SNAP91: variants seen among roughly 807,000 people sequenced by gnomAD.
The protein encoded by SNAP91 is clathrin coat assembly protein AP180.
A neutral mutation model predicts 100.3 loss-of-function variants in SNAP91; 27 were observed. The observed-to-expected ratio is 0.27, with a 90% CI of 0.20 to 0.37. SNAP91 has a LOEUF of 0.37. Among genes scored for constraint, SNAP91 ranks in the 10% least tolerant of loss-of-function variants. The pLI, the probability that SNAP91 is intolerant of heterozygous loss-of-function variation, is 1.00. For missense variants in SNAP91, 986 were observed against 1,123.7 expected (o/e 0.88, Z 1.75); for synonymous variants, 404 against 398.6 (o/e 1.01, Z -0.16).
At chr6:83,678,850 T>C in intron 2 of SNAP91, 2 of 1,270,950 alleles carry the variant, frequency 1.6e-6, no homozygotes, top group Non-Finnish European at 2.0e-6. Flanking sequence ...GTCTGTTTTC[T>C]CTCGGAAGTA....
chr6:83,557,794 T>C (rs956786648), intron 28 of SNAP91, among the ~76,000 whole-genome samples: 6 of 152,242 alleles, frequency 3.9e-5, no homozygotes, highest in Admixed American at 2.6e-4. Context: ...CAAAGATTGG[T>C]CCATAATTGA....
intron 2 of SNAP91, among the ~76,000 whole-genome samples, chr6:83,670,066 T>C (rs1295381638): frequency 6.6e-6 from 1 of 151,958 alleles, no homozygotes; most frequent in Non-Finnish European, 1.5e-5. Flanking sequence ...AGGGAACTGC[T>C]TTCAGAAAGC....
chr6:83,616,898 G>T, intron 10 of SNAP91, 71 bp downstream of exon 10: 1 of 1,051,608 alleles, frequency 9.5e-7, no homozygotes, highest in South Asian at 1.5e-5. Context: ...GTTGTACCAT[G>T]ATAAATCTCA....
chr6:83,575,261 T>C lies in SNAP91; in HGVS notation c.2331-140A>G. On this transcript the variant is annotated intron_variant, in intron 25 of 29. Coordinates refer to ENST00000369694, the MANE Select transcript of SNAP91 (RefSeq NM_001242792.2). ...GTGGTATAGTAATAAGAACAGCAGT[T>C]AAAACTTACAGAGGAATCTTGCCAT... 4.7e-6 allele frequency: 3 copies of C among 638,606 alleles called. No individual in the cohort carries two copies. In the South Asian group the frequency reaches 5.6e-5, roughly 12 times the overall value. The allele number at this position is 638,606 out of a possible 1,614,324, so 39.6% of individuals were successfully genotyped here.
intron 10 of SNAP91, among the ~76,000 whole-genome samples, chr6:83,615,068 A>G (rs3798870): frequency 0.18 from 27,223 of 152,166 alleles, 3,128 homozygotes; most frequent in South Asian, 0.28. Context: ...ATGGAGGACT[A>G]TTGAATTTTA....
chr6:83,644,030 TTC>T (rs1336656874), intron 7 of SNAP91, among the ~76,000 whole-genome samples: 2 of 152,200 alleles, frequency 1.3e-5, no homozygotes, highest in African/African-American at 2.4e-5. Context: ...ATACTTTTTG[TTC>T]TCTCTTTCTA....
chr6:83,697,362 ACAC>A (rs963731334), intron 2 of SNAP91, among the ~76,000 whole-genome samples: 2 of 148,884 alleles, frequency 1.3e-5, no homozygotes, highest in Non-Finnish European at 3.0e-5. Context: ...ACACACACAC[ACAC>A]AATGCCGGCA....
intron 22 of SNAP91, among the ~76,000 whole-genome samples, chr6:83,583,498 A>G (rs1831419158): frequency 6.6e-6 from 1 of 152,214 alleles, no homozygotes; most frequent in Non-Finnish European, 1.5e-5. Context: ...TGGAAGCAAA[A>G]CATTTCTCTC....
intron 10 of SNAP91, among the ~76,000 whole-genome samples, 164 bp from the exon 11 acceptor site, chr6:83,615,026 G>C (rs1014503959): frequency 2.0e-5 from 3 of 152,114 alleles, no homozygotes; most frequent in African/African-American, 7.2e-5. Flanking sequence ...AAAGGAAAAA[G>C]AAAAATTATT....
At chr6:83,683,923 T>C (rs2099026051) in intron 2 of SNAP91, among the ~76,000 whole-genome samples, 1 of 152,172 alleles carries the variant, frequency 6.6e-6, no homozygotes, top group African/African-American at 2.4e-5. Context: ...ACACAGATAC[T>C]ACCTCCTACA....
In SNAP91 at chr6:83,574,849, T is replaced by C. The variant is rs377585205; in HGVS notation, c.2442+161A>G. Among the ~76,000 whole-genome samples the C allele has an allele frequency of 4.1e-4, 43 of 104,642 alleles. No individual in the cohort carries two copies. In the East Asian group the frequency reaches 0.011, roughly 27 times the overall value. The allele number at this position is 104,642 out of a possible 152,430, so 68.6% of individuals were successfully genotyped here. On this transcript the variant is annotated intron_variant, in intron 26 of 29. Transcript: ENST00000369694. The stretch of plus-strand genomic sequence containing the variant: ...TATCAAATGTTTTCATACCTAAGAA[T>C]GGAGGGCAGCCCCCTGGGCTGGAGT...
rs147691385 is a variant in SNAP91, at chr6:83,670,030, T to C, written c.131-4449A>G. ...ATTTTCTAGAAGTAGAATAGTTGAG[T>C]CATTTTTAAGTAAACATTTAATTTT... On this transcript the variant is annotated intron_variant, in intron 2 of 29. Coordinates refer to ENST00000369694, the MANE Select transcript of SNAP91 (RefSeq NM_001242792.2). 7.2e-3 allele frequency among the ~76,000 whole-genome samples: 1,100 copies of C among 152,088 alleles called. 6 individuals carry two copies. The highest frequency in any genetic ancestry group is 0.025 in the African/African-American group (1,024 of 41,560).
chr6:83,655,772 G>A (rs1031947220), intron 7 of SNAP91, among the ~76,000 whole-genome samples: 4 of 152,168 alleles, frequency 2.6e-5, no homozygotes, highest in Non-Finnish European at 5.9e-5. Context: ...TGAATAAGCA[G>A]GTAGATTGTA....
At chr6:83,694,352 T>C (rs952236028) in intron 2 of SNAP91, among the ~76,000 whole-genome samples, 1 of 152,196 alleles carries the variant, frequency 6.6e-6, no homozygotes, top group African/African-American at 2.4e-5. Flanking sequence ...TAGATGACAG[T>C]GGAGGACTCT....
At chr6:83,690,990 T>G (rs1450718866) in intron 2 of SNAP91, among the ~76,000 whole-genome samples, 1 of 152,098 alleles carries the variant, frequency 6.6e-6, no homozygotes, top group African/African-American at 2.4e-5. Flanking sequence ...GAAGTTTAAC[T>G]CAAAAATGGT....
intron 2 of SNAP91, among the ~76,000 whole-genome samples, chr6:83,705,572 A>C (rs1226185074): frequency 6.6e-6 from 1 of 152,174 alleles, no homozygotes; most frequent in Non-Finnish European, 1.5e-5. Flanking sequence ...TGGGAGGCCA[A>C]GGTGGGCAGA....
intron 2 of SNAP91, among the ~76,000 whole-genome samples, chr6:83,694,272 T>C (rs2099166559): frequency 6.6e-6 from 1 of 152,196 alleles, no homozygotes. Flanking sequence ...AAATGATATT[T>C]AGGCCTGGAC....
At position 83,634,547 on chromosome 6, in the gene SNAP91, C is replaced by T. The variant is rs562623972; in HGVS notation, c.765+6549G>A. Among the ~76,000 whole-genome samples the T allele has an allele frequency of 3.3e-5, 5 of 152,184 alleles. No homozygotes were observed. The South Asian group carries it at 6.2e-4, about 19-fold the overall frequency. On this transcript the variant is annotated intron_variant, in intron 8 of 29. Coordinates refer to ENST00000369694, the MANE Select transcript of SNAP91 (RefSeq NM_001242792.2). ...CATTCTGGAGCAAAAATTCACAATG[C>T]GAGCCTCCATATGCTGCTCTGTTGG...
intron 19 of SNAP91, 29 bp from the exon 20 acceptor site, chr6:83,593,046 A>T (rs1278584197): frequency 6.4e-7 from 1 of 1,556,514 alleles, no homozygotes; most frequent in African/African-American, 1.4e-5. Flanking sequence ...ACCAAAACCA[A>T]GCAGAGGTAA....
Sources: gnomAD v4.1 joint callset for allele counts (sites outside exome capture counted in the v4.1 genomes callset) on GRCh38, gnomAD v4.1.1 for gene constraint, MANE v1.5 for transcripts, NCBI Gene and HGNC (gene_info 2026-07-23, HGNC 2026-07-21) for gene names.